API5: variants seen among roughly 807,000 people sequenced by gnomAD.
API5 encodes apoptosis inhibitor 5.
API5 carries 6 observed loss-of-function variants against 71.9 expected under a neutral mutation model. That is an observed-to-expected ratio of 0.08 (90% CI 0.05 to 0.16). The LOEUF is 0.16. API5 is among the 10% of genes least tolerant of loss of function. API5 has a pLI of 1.00. For missense variants in API5, 332 were observed against 612.8 expected (o/e 0.54, Z 4.84); for synonymous variants, 189 against 221.3 (o/e 0.85, Z 1.30).
intron 9 of API5, among the ~76,000 whole-genome samples, chr11:43,329,520 C>A (rs1177390603): frequency 2.0e-5 from 3 of 152,170 alleles, no homozygotes; most frequent in Admixed American, 6.5e-5. Flanking sequence ...ATAGTACCTA[C>A]CTCATAGAGT....
At chr11:43,339,987 G>A (rs982190629) in intron 13 of API5, among the ~76,000 whole-genome samples, 9 of 151,974 alleles carry the variant, frequency 5.9e-5, no homozygotes, top group Non-Finnish European at 1.2e-4. Context: ...AAACTAGAAT[G>A]GAGAAGTCAA....
chr11:43,340,852 CAAG>C (rs1240988736), intron 13 of API5, among the ~76,000 whole-genome samples: 1 of 152,032 alleles, frequency 6.6e-6, no homozygotes, highest in African/African-American at 2.4e-5. Context: ...TAAGAGAAAA[CAAG>C]AAGCACTTCA....
Position 43,335,771 on chromosome 11 carries a change from C to T in API5, c.1356-87C>T, listed in dbSNP as rs1041524346. The T allele has an allele frequency of 1.7e-5, 24 of 1,397,668 alleles. No homozygotes were observed. The Admixed American group carries it at 5.9e-4, about 35-fold the overall frequency. The allele number at this position is 1,397,668 out of a possible 1,614,324, so 86.6% of individuals were successfully genotyped here. On this transcript the variant is annotated intron_variant, in intron 12 of 13. Transcript: ENST00000531273. ...AGATTATCCTCTTTAGGATGTCTTT[C>T]CTAACTGATATGCTAAATTATAAAT...
intron 3 of API5, 41 bp downstream of exon 3, chr11:43,320,955 C>G: frequency 6.7e-7 from 1 of 1,501,450 alleles, no homozygotes; most frequent in Non-Finnish European, 9.2e-7. Context: ...AAATATATAT[C>G]TTCTTTCTGA....
chr11:43,323,145 C>A (rs560105719), intron 5 of API5, among the ~76,000 whole-genome samples: 1 of 151,660 alleles, frequency 6.6e-6, no homozygotes, highest in South Asian at 2.1e-4. Flanking sequence ...AATTTTAATG[C>A]CACATATACA....
chr11:43,321,848 C>T (rs1253281050), intron 4 of API5, 137 bp from the exon 5 acceptor site: 1 of 856,118 alleles, frequency 1.2e-6, no homozygotes, highest in Admixed American at 3.1e-5. Flanking sequence ...TTTCAGACTA[C>T]TTTTAACTAG....
chr11:43,321,935 C>A, intron 4 of API5, 50 bp from the exon 5 acceptor site: 1 of 1,543,198 alleles, frequency 6.5e-7, no homozygotes, highest in Non-Finnish European at 8.7e-7. Flanking sequence ...TGGGAAAACA[C>A]CATTACACTA....
intron 13 of API5, among the ~76,000 whole-genome samples, chr11:43,341,428 C>G (rs550886216): frequency 6.6e-6 from 1 of 152,322 alleles, no homozygotes; most frequent in South Asian, 2.1e-4. Flanking sequence ...AATGTCCTTT[C>G]ATTTGCAGCA....
At chr11:43,338,059 C>T (rs1209668099) in intron 13 of API5, among the ~76,000 whole-genome samples, 1 of 152,148 alleles carries the variant, frequency 6.6e-6, no homozygotes, top group Non-Finnish European at 1.5e-5. Context: ...TATTCCCAGT[C>T]TTCAAAATAA....
rs1329260641 is a variant in API5 at position 43,343,984 on chromosome 11, G to A, written c.*1474G>A. 6.6e-6 allele frequency: 1 copy of A among 152,626 alleles called. No homozygotes were observed. The highest frequency in any genetic ancestry group is 6.5e-5 in the Admixed American group (1 of 15,282). 9.5% of individuals were successfully genotyped at this position (152,626 alleles called of 1,614,324 possible). On this transcript the variant is annotated 3_prime_UTR_variant, in exon 14 of 14. Coordinates refer to ENST00000531273, the MANE Select transcript of API5 (RefSeq NM_001142930.2). ...ACTGCACATGTGTATGGGGAAAATA[G>A]TTCTGAAAGGCTAGAATGATACAAG...
intron 11 of API5, among the ~76,000 whole-genome samples, chr11:43,332,297 C>T (rs931623606): frequency 3.3e-5 from 5 of 152,150 alleles, no homozygotes; most frequent in Non-Finnish European, 4.4e-5. Context: ...TCAGTCCTGA[C>T]GCTATCTACC....
At position 43,343,190 on chromosome 11, in the gene API5, A is replaced by G. The variant is rs1210406259; in HGVS notation, c.*680A>G. 6.6e-6 allele frequency: 1 copy of G among 151,536 alleles called. No individual in the cohort carries two copies. The highest frequency in any genetic ancestry group is 1.5e-5 in the Non-Finnish European group (1 of 68,398). 9.4% of individuals were successfully genotyped at this position (151,536 alleles called of 1,614,324 possible). On this transcript the variant is annotated 3_prime_UTR_variant, in exon 14 of 14. Coordinates refer to ENST00000531273, the MANE Select transcript of API5 (RefSeq NM_001142930.2). ...GTATAATATACATACATACATAAGC[A>G]TATATGTGTGTGTGTGTGTGTATAT...
At chr11:43,324,197 T>C (rs1854992360) in intron 6 of API5, among the ~76,000 whole-genome samples, 1 of 152,170 alleles carries the variant, frequency 6.6e-6, no homozygotes, top group Non-Finnish European at 1.5e-5. Context: ...TTTGTGTTTT[T>C]TGTAGAGACG....
At chr11:43,326,141 T>G (rs991961870) in intron 6 of API5, among the ~76,000 whole-genome samples, 1 of 152,212 alleles carries the variant, frequency 6.6e-6, no homozygotes, top group Non-Finnish European at 1.5e-5. Context: ...CCCACATTTC[T>G]TTGGTTAATA....
At chr11:43,323,724 G>GA (rs1854972832) in intron 6 of API5, 88 bp downstream of exon 6, 3 of 1,231,052 alleles carry the variant, frequency 2.4e-6, no homozygotes, top group Non-Finnish European at 3.4e-6. Context: ...AACCTTTCCA[G>GA]TAGTGTCCCT....
chr11:43,331,159 A>G (rs1174052951), intron 11 of API5: 2 of 152,792 alleles, frequency 1.3e-5, no homozygotes, highest in Admixed American at 6.5e-5. Context: ...CTTAAAGCTA[A>G]TGTAAAAATG....
chr11:43,330,645 AC>A, intron 11 of API5, 81 bp downstream of exon 11: 1 of 1,132,882 alleles, frequency 8.8e-7, no homozygotes, highest in East Asian at 2.5e-5. Context: ...TGCATAAGAT[AC>A]TTCCAACAAA....
chr11:43,318,932 AC>A, intron 2 of API5, 131 bp downstream of exon 2: 1 of 844,614 alleles, frequency 1.2e-6, no homozygotes, highest in Non-Finnish European at 1.7e-6. Context: ...ATGGCATCAC[AC>A]CCAGGCTTAA....
At chr11:43,320,782 G>T (rs150131718) in intron 2 of API5, 39 bp from the exon 3 acceptor site, 539 of 1,413,840 alleles carry the variant, frequency 3.8e-4, no homozygotes, top group Non-Finnish European at 5.0e-4. Flanking sequence ...TTTTAAAGGT[G>T]ATAGTATTTG....
Sources: gnomAD v4.1 joint callset for allele counts (sites outside exome capture counted in the v4.1 genomes callset) on GRCh38, gnomAD v4.1.1 for gene constraint, MANE v1.5 for transcripts, NCBI Gene and HGNC (gene_info 2026-07-23, HGNC 2026-07-21) for gene names.